The following FGD4 variants were observed in gnomAD, a reference collection of about 807,000 sequenced individuals.
FGD4 encodes the protein FYVE, RhoGEF and PH domain containing 4, also known as FYVE, RhoGEF and PH domain-containing protein 4.
In FGD4, 42 loss-of-function variants were observed where a neutral mutation model predicts 102.0. The ratio of observed to expected loss-of-function variants is 0.41; its 90% CI spans 0.32 to 0.53. The LOEUF (loss-of-function observed/expected upper bound fraction) is 0.53, where lower values mean the gene tolerates loss of function less well. Among genes scored for constraint, FGD4 ranks in the 20% least tolerant of loss-of-function variants. The pLI is 0.21. For synonymous variants in FGD4, 380 were observed against 375.7 expected, an observed-to-expected ratio of 1.01 and a Z score of -0.13; for missense variants, 902 against 1,078.2, an observed-to-expected ratio of 0.84 and a Z score of 2.29.
intron 4 of FGD4, among the ~76,000 whole-genome samples, chr12:32,594,317 A>G (rs1413079039): frequency 6.6e-6 from 1 of 152,160 alleles, no homozygotes; most frequent in African/African-American, 2.4e-5. Context: ...TGTGAACTGC[A>G]CATGCGAGGG....
At chr12:32,565,365 A>G (rs990286419) in intron 2 of FGD4, among the ~76,000 whole-genome samples, 1 of 152,232 alleles carries the variant, frequency 6.6e-6, no homozygotes. Flanking sequence ...TAGCCTATTC[A>G]TGAGCTTACA....
At chr12:32,518,569 A>G (rs1261337895) in intron 1 of FGD4, among the ~76,000 whole-genome samples, 1 of 152,196 alleles carries the variant, frequency 6.6e-6, no homozygotes, top group African/African-American at 2.4e-5. Context: ...AGATACATCT[A>G]TCTATATGGT....
intron 1 of FGD4, chr12:32,502,281 G>GTT (rs934916323): frequency 2.0e-6 from 2 of 985,410 alleles, no homozygotes; most frequent in Admixed American, 1.2e-4. Context: ...AATGAAGGGA[G>GTT]TTTTACTTCA....
At chr12:32,587,478 C>T (rs997790936) in intron 4 of FGD4, among the ~76,000 whole-genome samples, 6 of 152,042 alleles carry the variant, frequency 3.9e-5, no homozygotes, top group East Asian at 1.9e-4. Context: ...ACAACCTCCA[C>T]GTCCTAGGTT....
chr12:32,501,103 A>G (rs1370475346), intron 1 of FGD4, among the ~76,000 whole-genome samples: 1 of 152,202 alleles, frequency 6.6e-6, no homozygotes, highest in African/African-American at 2.4e-5. Flanking sequence ...CCAGGCTGAA[A>G]TACAGTGATG....
intron 8 of FGD4, among the ~76,000 whole-genome samples, chr12:32,609,390 G>A (rs767890412): frequency 2.6e-5 from 4 of 152,062 alleles, no homozygotes; most frequent in Non-Finnish European, 2.9e-5. Flanking sequence ...ATCTAGTGGT[G>A]GGGGTGGAGG....
chr12:32,495,688 T>A (rs1297082806), intron 1 of FGD4, among the ~76,000 whole-genome samples: 9 of 94,390 alleles, frequency 9.5e-5, no homozygotes, highest in African/African-American at 6.0e-4. Flanking sequence ...AGAGAGAGAC[T>A]CTGTTTCAAA....
intron 1 of FGD4, among the ~76,000 whole-genome samples, chr12:32,552,784 CT>C (rs71068325): frequency 8.7e-4 from 126 of 144,108 alleles, no homozygotes; most frequent in East Asian, 1.2e-3. Context: ...TGGAGTGTAC[CT>C]TTTTTTTTTT....
intron 1 of FGD4, among the ~76,000 whole-genome samples, chr12:32,504,286 G>A (rs188197564): frequency 3.9e-5 from 6 of 152,278 alleles, no homozygotes; most frequent in Non-Finnish European, 7.4e-5. Context: ...AGAGTGGGCA[G>A]CAGGGACAGT....
chr12:32,632,705 A>AT (rs1275380016), intron 14 of FGD4, among the ~76,000 whole-genome samples: 37 of 124,944 alleles, frequency 3.0e-4, no homozygotes, highest in African/African-American at 1.0e-3. Flanking sequence ...TTATTTATTT[A>AT]TTTATTTATT....
chr12:32,486,086 G>A (rs1378832511), intron 1 of FGD4: 1 of 1,524,464 alleles, frequency 6.6e-7, no homozygotes, highest in Non-Finnish European at 8.7e-7. Flanking sequence ...CCAGAAGCAG[G>A]AAATAGGTTA....
chr12:32,566,801 AT>A (rs1178259887), intron 2 of FGD4, among the ~76,000 whole-genome samples: 2 of 152,194 alleles, frequency 1.3e-5, no homozygotes, highest in African/African-American at 4.8e-5. Flanking sequence ...CCAAGGAATT[AT>A]CACCCCCGAC....
intron 1 of FGD4, among the ~76,000 whole-genome samples, chr12:32,558,148 C>A (rs1006388604): frequency 2.0e-5 from 3 of 152,174 alleles, no homozygotes; most frequent in Non-Finnish European, 4.4e-5. Context: ...AAATACCTGA[C>A]CATGTTCTTC....
Position 32,431,381 on chromosome 12 carries a change from G to A in FGD4, c.166+31422G>A, listed in dbSNP as rs192942515. 3.5e-3 allele frequency among the ~76,000 whole-genome samples: 526 copies of A among 152,252 alleles called. 8 individuals are homozygous for A. Among genetic ancestry groups the A allele is most frequent in the African/African-American group, 0.012 (491 of 41,532 alleles). On this transcript the variant is annotated intron_variant, in intron 1 of 16. Transcript: ENST00000534526. The stretch of plus-strand genomic sequence containing the variant: ...TGTCAATTGTCCATTTCTGGCATAG[G>A]TCCTGAGTCCCAGTGTAATTTATAC...
chr12:32,546,637 A>G (rs1411942606), intron 1 of FGD4, among the ~76,000 whole-genome samples: 1 of 152,244 alleles, frequency 6.6e-6, no homozygotes, highest in Non-Finnish European at 1.5e-5. Context: ...GCCTAGCAGA[A>G]ACTGCAGCCA....
chr12:32,554,105 AATAAC>A (rs1218301081), intron 1 of FGD4, among the ~76,000 whole-genome samples: 1 of 152,190 alleles, frequency 6.6e-6, no homozygotes, highest in Non-Finnish European at 1.5e-5. Flanking sequence ...AAATGAAAAT[AATAAC>A]AGAAACATTC....
At chr12:32,529,776 G>T (rs1941616272) in intron 1 of FGD4, among the ~76,000 whole-genome samples, 1 of 150,654 alleles carries the variant, frequency 6.6e-6, no homozygotes, top group South Asian at 2.1e-4. Context: ...CTGGGAGGCG[G>T]AAGTTGCAGT....
intron 10 of FGD4, among the ~76,000 whole-genome samples, chr12:32,617,041 G>A (rs1949496049): frequency 6.6e-6 from 1 of 152,070 alleles, no homozygotes; most frequent in Non-Finnish European, 1.5e-5. Flanking sequence ...TTTATAATCA[G>A]CATTAATCCA....
intron 1 of FGD4, among the ~76,000 whole-genome samples, chr12:32,404,478 G>A (rs1185106958): frequency 6.6e-6 from 1 of 151,996 alleles, no homozygotes; most frequent in African/African-American, 2.4e-5. Flanking sequence ...GAAAAAATAG[G>A]TGGTATTATT....
Sources: allele counts gnomAD v4.1 joint callset (sites outside exome capture counted in the v4.1 genomes callset), GRCh38; gene constraint gnomAD v4.1.1; transcripts MANE v1.5; gene names NCBI Gene and HGNC (gene_info 2026-07-23, HGNC 2026-07-21).